Variants in TNFRSF10C observed in about 807,000 individuals in gnomAD.
TNFRSF10C encodes tumor necrosis factor receptor superfamily member 10C.
TNFRSF10C carries 17 observed loss-of-function variants against 16.7 expected under a neutral mutation model. The ratio of observed to expected loss-of-function variants is 1.02; its 90% CI spans 0.70 to 1.53. The LOEUF (loss-of-function observed/expected upper bound fraction) is 1.53. Ranked by LOEUF, TNFRSF10C falls within the 40% of genes most tolerant of loss-of-function variation. TNFRSF10C has a pLI of 0.00. For missense variants in TNFRSF10C, 237 were observed against 329.7 expected, an observed-to-expected ratio of 0.72 and a Z score of 2.18; for synonymous variants, 73 against 119.7, an observed-to-expected ratio of 0.61 and a Z score of 2.55.
chr8:23,107,874 ATGT>A (rs1442935071), intron 1 of TNFRSF10C, among the ~76,000 whole-genome samples: 1 of 152,212 alleles, frequency 6.6e-6, no homozygotes, highest in Non-Finnish European at 1.5e-5. Context: ...GAAGACACAG[ATGT>A]TGTCTGTTGA....
intron 1 of TNFRSF10C, among the ~76,000 whole-genome samples, chr8:23,107,841 C>A (rs1258020100): frequency 6.6e-6 from 1 of 152,118 alleles, no homozygotes; most frequent in Non-Finnish European, 1.5e-5. Flanking sequence ...TATATCTTGT[C>A]TATATGAGAT....
intron 1 of TNFRSF10C, among the ~76,000 whole-genome samples, chr8:23,104,307 T>G (rs1813731027): frequency 6.6e-6 from 1 of 152,230 alleles, no homozygotes; most frequent in Non-Finnish European, 1.5e-5. Flanking sequence ...TTTGTTAAAT[T>G]TTGGAGCTAA....
intron 1 of TNFRSF10C, among the ~76,000 whole-genome samples, chr8:23,109,141 A>T (rs899119158): frequency 5.3e-5 from 8 of 152,294 alleles, no homozygotes; most frequent in African/African-American, 1.9e-4. Flanking sequence ...GGTTAGGGAG[A>T]TGGGGAGTTA....
chr8:23,107,320 A>G (rs182167961), intron 1 of TNFRSF10C, among the ~76,000 whole-genome samples: 1 of 152,376 alleles, frequency 6.6e-6, no homozygotes, highest in Admixed American at 6.5e-5. Context: ...AAAAAGCAGA[A>G]TTATTGCTGG....
chr8:23,110,277 A>G (rs1813856442), intron 1 of TNFRSF10C, among the ~76,000 whole-genome samples: 1 of 152,098 alleles, frequency 6.6e-6, no homozygotes, highest in Non-Finnish European at 1.5e-5. Flanking sequence ...ACTGTCACCA[A>G]CTGCTAGTCA....
rs551618727 is a variant in TNFRSF10C at position 23,113,313 on chromosome 8, T to C, written c.167-1344T>C. 3.9e-5 allele frequency among the ~76,000 whole-genome samples: 6 copies of C among 152,304 alleles called. No individual in the cohort carries two copies. In the South Asian group the frequency reaches 1.2e-3, roughly 32 times the overall value. ...CCTTTTTAGTGTAATGTAACCTCAT[T>C]TGTCTGTTTTTCCTTTTGTTGCCTG... On this transcript the variant is annotated intron_variant, in intron 2 of 4. Coordinates refer to ENST00000356864, the MANE Select transcript of TNFRSF10C (RefSeq NM_003841.5).
intron 4 of TNFRSF10C, among the ~76,000 whole-genome samples, chr8:23,116,323 C>T (rs929790717): frequency 2.0e-5 from 3 of 152,224 alleles, no homozygotes; most frequent in Admixed American, 6.5e-5. Context: ...CAGCTTGTGG[C>T]CACAAGGGCT....
At position 23,103,157 on chromosome 8, in the gene TNFRSF10C, C is replaced by T. The variant is rs1330365205; in HGVS notation, c.36C>T (p.Val12=). Residue 12 remains valine (V), a synonymous_variant, in exon 1 of 5, where the codon GTC becomes GTT. Coordinates refer to ENST00000356864, the MANE Select transcript of TNFRSF10C (RefSeq NM_003841.5). ...TCCCCAAGACCCTAAAGTTCGTCGT[C>T]GTCATCGTCGCGGTCCTGCTGCCAG... is the stretch of plus-strand genomic sequence containing the variant. ...ARIPKTLKFV[V]VIVAVLLPVL... is the part of the protein sequence containing the mutation. The T allele has an allele frequency of 2.5e-6, 4 of 1,612,020 alleles. No individual in the cohort carries two copies. Among genetic ancestry groups the T allele is most frequent in the Non-Finnish European group, 3.4e-6 (4 of 1,179,388 alleles).
chr8:23,114,035 G>T (rs1056706840), intron 2 of TNFRSF10C, among the ~76,000 whole-genome samples: 1 of 152,130 alleles, frequency 6.6e-6, no homozygotes, highest in African/African-American at 2.4e-5. Flanking sequence ...TTAAGTGACA[G>T]GAGATAGACA....
rs535806622 is a variant in TNFRSF10C at position 23,111,878 on chromosome 8, G to A, written c.166+53G>A. 53 of 1,519,632 alleles carry A rather than the reference G, an allele frequency of 3.5e-5. No individual in the cohort carries two copies. In the African/African-American group the frequency reaches 6.4e-4, roughly 18 times the overall value. 94.1% of individuals were successfully genotyped at this position (1,519,632 alleles called of 1,614,324 possible). A position where few individuals can be genotyped will look rare whatever the true frequency, so the allele number is the denominator to read the frequency against. ...TATTTTTAATTGACAGATAAACATT[G>A]TATGTATTTATGATGTACACCATGA... On this transcript the variant is annotated intron_variant, in intron 2 of 4. Transcript: ENST00000356864.
Position 23,117,166 on chromosome 8 carries a change from GC to G in TNFRSF10C, c.*139del. The G allele has an allele frequency of 7.4e-7, 1 of 1,351,808 alleles. No homozygotes were observed. The highest frequency in any genetic ancestry group is 1.0e-6 in the Non-Finnish European group (1 of 997,032). 83.7% of individuals were successfully genotyped at this position (1,351,808 alleles called of 1,614,324 possible). A position where few individuals can be genotyped will look rare whatever the true frequency, so the allele number is the denominator to read the frequency against. On this transcript the variant is annotated 3_prime_UTR_variant, in exon 5 of 5. Transcript: ENST00000356864. ...CCCACAGACAGAAACGCCTGCCCCT[GC>G]CCCAAGTCCTGGTGTCTCCAGCCTG...
intron 3 of TNFRSF10C, among the ~76,000 whole-genome samples, chr8:23,115,088 C>T (rs955884090): frequency 1.5e-4 from 23 of 151,488 alleles, no homozygotes; most frequent in African/African-American, 5.6e-4. Flanking sequence ...CTCTCTCCCC[C>T]AGGCTCTGTG....
intron 2 of TNFRSF10C, 37 bp downstream of exon 2, chr8:23,111,862 T>C (rs770739192): frequency 1.9e-6 from 3 of 1,559,756 alleles, no homozygotes; most frequent in East Asian, 2.3e-5. Flanking sequence ...TTATTTTTAA[T>C]TGACAGATAA....
chr8:23,114,806 G>T (rs776117539), intron 3 of TNFRSF10C, 36 bp downstream of exon 3: 57 of 1,583,144 alleles, frequency 3.6e-5, no homozygotes, highest in Non-Finnish European at 4.5e-5. Context: ...CAGAGGTGGA[G>T]CGTGGGGCAA....
At chr8:23,116,461 C>A (rs1222129906) in intron 4 of TNFRSF10C, among the ~76,000 whole-genome samples, 180 bp from the exon 5 acceptor site, 9 of 152,188 alleles carry the variant, frequency 5.9e-5, no homozygotes, top group Admixed American at 5.9e-4. Context: ...GGCTGAAATG[C>A]GCATGCTCAG....
intron 1 of TNFRSF10C, among the ~76,000 whole-genome samples, chr8:23,106,745 G>A (rs1340715121): frequency 3.3e-5 from 5 of 151,372 alleles, no homozygotes; most frequent in Non-Finnish European, 7.4e-5. Context: ...CCAGCACTTC[G>A]GGAGGTCAAG....
Position 23,117,379 on chromosome 8 carries a change from T to C in TNFRSF10C, c.*348T>C, listed in dbSNP as rs553199838. On this transcript the variant is annotated 3_prime_UTR_variant, in exon 5 of 5. Coordinates refer to ENST00000356864, the MANE Select transcript of TNFRSF10C (RefSeq NM_003841.5). ...GGGGGCAGTCGGCTCCTCAACTGGGTGACAAGGGTGAGGATGAGAAGTGGT... is the reference window on the plus strand; with the variant it reads ...GGGGGCAGTCGGCTCCTCAACTGGGCGACAAGGGTGAGGATGAGAAGTGGT... The C allele has an allele frequency of 9.1e-5, 37 of 404,434 alleles. No homozygotes were observed. Among genetic ancestry groups the C allele is most frequent in the Non-Finnish European group, 1.3e-4 (30 of 222,996 alleles). 25.1% of individuals were successfully genotyped at this position (404,434 alleles called of 1,614,324 possible).
chr8:23,111,517 AT>A (rs5890089), intron 1 of TNFRSF10C, among the ~76,000 whole-genome samples: 111,327 of 147,918 alleles, frequency 0.75, 43,059 homozygotes, highest in Middle Eastern at 0.89. Flanking sequence ...GCTTGCCTGT[AT>A]TTTTTTTTTT....
At chr8:23,110,944 A>T (rs894558737) in intron 1 of TNFRSF10C, among the ~76,000 whole-genome samples, 1 of 152,246 alleles carries the variant, frequency 6.6e-6, no homozygotes, top group South Asian at 2.1e-4. Flanking sequence ...TAAAATTCTT[A>T]TAAAATCTTT....
Sources: allele counts gnomAD v4.1 joint callset (sites outside exome capture counted in the v4.1 genomes callset), GRCh38; gene constraint gnomAD v4.1.1; transcripts MANE v1.5; gene names NCBI Gene and HGNC (gene_info 2026-07-23, HGNC 2026-07-21).